Variants in PDXDC1 observed in about 807,000 individuals in gnomAD.
PDXDC1 encodes pyridoxal dependent decarboxylase domain containing 1, also known as pyridoxal-dependent decarboxylase domain-containing protein 1.
PDXDC1 carries 42 observed loss-of-function variants against 100.1 expected under a neutral mutation model. That is an observed-to-expected ratio of 0.42 (90% CI 0.33 to 0.54). PDXDC1 has a LOEUF of 0.54. Among genes scored for constraint, PDXDC1 ranks in the 20% least tolerant of loss-of-function variants. The probability of loss-of-function intolerance (pLI) is 0.10; values close to 1 mark genes in which losing one functional copy is unlikely to be tolerated. For missense variants in PDXDC1, 636 were observed against 979.2 expected, an observed-to-expected ratio of 0.65 and a Z score of 4.68; for synonymous variants, 260 against 371.7, an observed-to-expected ratio of 0.70 and a Z score of 3.46.
At chr16:15,125,702 G>A in intron 16 of PDXDC1, 1 of 1,354,470 alleles carries the variant, frequency 7.4e-7, no homozygotes, top group Non-Finnish European at 1.1e-6. Flanking sequence ...TCAGCGTGGA[G>A]GCCTGAGAAC....
At chr16:15,071,271 C>T (rs748889674) in intron 16 of PDXDC1, 12 of 1,583,252 alleles carry the variant, frequency 7.6e-6, no homozygotes, top group South Asian at 2.3e-5. Flanking sequence ...GAGAGGGCGT[C>T]GGTGTGATCT....
Position 15,068,813 on chromosome 16 carries a change from T to C in PDXDC1, c.1399+38757T>C, listed in dbSNP as rs1204400616. On this transcript the variant is annotated intron_variant, in intron 16 of 16. Transcript: ENST00000535621. ...ACAGAAACCACTTTCTTAGACTTAA[T>C]GAATATAATTCTTTTCTACATGAGT... Among the ~76,000 whole-genome samples, 21 of 152,246 alleles carry C rather than the reference T, an allele frequency of 1.4e-4. 1 individual carries two copies. The highest frequency in any genetic ancestry group is 2.9e-5 in the Non-Finnish European group (2 of 68,054).
chr16:15,124,715 T>C (rs1462329212), intron 16 of PDXDC1, among the ~76,000 whole-genome samples: 4 of 151,282 alleles, frequency 2.6e-5, no homozygotes, highest in African/African-American at 9.8e-5. Context: ...GAGTCTGCAG[T>C]GAGCCGAGAT....
chr16:15,083,785 C>A, intron 16 of PDXDC1: 1 of 565,002 alleles, frequency 1.8e-6, no homozygotes, highest in Non-Finnish European at 3.0e-6. Context: ...GGCGCAATCT[C>A]AGCTCACTGC....
chr16:15,031,551 T>C (rs2043065606), intron 16 of PDXDC1, among the ~76,000 whole-genome samples, 184 bp from the exon 17 acceptor site: 1 of 152,202 alleles, frequency 6.6e-6, no homozygotes, highest in African/African-American at 2.4e-5. Context: ...CAGCCAGCTG[T>C]GTCTGTTTCT....
At chr16:15,128,092 G>A (rs1205527528) in intron 16 of PDXDC1, 13 of 1,608,288 alleles carry the variant, frequency 8.1e-6, no homozygotes, top group African/African-American at 1.3e-5. Flanking sequence ...CCGTCTGCAG[G>A]TCCCTGATGA....
At chr16:15,085,647 T>C in intron 16 of PDXDC1, 1 of 1,613,396 alleles carries the variant, frequency 6.2e-7, no homozygotes, top group Non-Finnish European at 8.5e-7. Context: ...ACTATCATCT[T>C]CATCATCAGA....
intron 14 of PDXDC1, among the ~76,000 whole-genome samples, chr16:15,027,267 C>T (rs553355538): frequency 6.6e-6 from 1 of 152,410 alleles, no homozygotes; most frequent in South Asian, 2.1e-4. Flanking sequence ...TGGCTCGCTT[C>T]TTCAGTGCCC....
At chr16:14,980,196 C>T (rs1423642383) in intron 1 of PDXDC1, among the ~76,000 whole-genome samples, 126 of 152,364 alleles carry the variant, frequency 8.3e-4, no homozygotes, top group African/African-American at 2.9e-3. Flanking sequence ...GTCCCATTTC[C>T]GTCTTTGCTC....
intron 14 of PDXDC1, among the ~76,000 whole-genome samples, chr16:15,028,458 T>C (rs557012107): frequency 6.6e-6 from 1 of 152,410 alleles, no homozygotes; most frequent in South Asian, 2.1e-4. Flanking sequence ...AAATGTAAGC[T>C]CCAAGATGAC....
chr16:15,040,339 C>A, downstream of PDXDC1: 2 of 381,984 alleles, frequency 5.2e-6, no homozygotes, highest in Admixed American at 4.4e-5. Context: ...TTCCTTCAGT[C>A]GGACATGTAG....
intron 12 of PDXDC1, among the ~76,000 whole-genome samples, chr16:15,021,947 T>G (rs1026615448): frequency 4.6e-5 from 7 of 152,300 alleles, no homozygotes; most frequent in Non-Finnish European, 7.3e-5. Context: ...GCAACTTCAC[T>G]AGAATGTCAG....
intron 16 of PDXDC1, among the ~76,000 whole-genome samples, chr16:15,046,640 A>G (rs1040319095): frequency 6.9e-6 from 1 of 144,620 alleles, no homozygotes; most frequent in Non-Finnish European, 1.5e-5. Context: ...TGGGAGGATC[A>G]CTTGAGCCCA....
Position 14,983,158 on chromosome 16 carries a change from G to GA in PDXDC1, c.21+7947dup, listed in dbSNP as rs1193698942. Among the ~76,000 whole-genome samples, 71 of 151,838 alleles carry GA rather than the reference G, an allele frequency of 4.7e-4. No individual in the cohort carries two copies. The Middle Eastern group carries it at 0.017, about 36-fold the overall frequency. On this transcript the variant is annotated intron_variant, in intron 1 of 22. Coordinates refer to ENST00000396410, the MANE Select transcript of PDXDC1 (RefSeq NM_015027.4). ...CCCCAAATAAGAACATTCCTCTCCT[G>GA]AAAAAAAAACTTTGTTGAAACGAAA...
At chr16:15,128,600 G>C (rs2047885104) in intron 16 of PDXDC1, among the ~76,000 whole-genome samples, 1 of 152,052 alleles carries the variant, frequency 6.6e-6, no homozygotes, top group African/African-American at 2.4e-5. Context: ...AAGTTACATG[G>C]AAAGAACTGT....
intron 16 of PDXDC1, among the ~76,000 whole-genome samples, chr16:15,122,077 T>C (rs1482598488): frequency 2.6e-5 from 4 of 151,182 alleles, no homozygotes; most frequent in Non-Finnish European, 5.9e-5. Context: ...GGCAGGACAA[T>C]TGCTTGAACC....
chr16:15,149,034 G>C, the PDXDC1 span, among the ~76,000 whole-genome samples: 2 of 152,216 alleles, frequency 1.3e-5, no homozygotes, highest in African/African-American at 2.4e-5. Flanking sequence ...ACCCGGCTCA[G>C]GGACCCCGGG....
intron 16 of PDXDC1, among the ~76,000 whole-genome samples, chr16:15,063,939 C>G (rs1417508192): frequency 1.3e-5 from 2 of 152,084 alleles, no homozygotes; most frequent in Admixed American, 6.6e-5. Flanking sequence ...TATTCTGGAA[C>G]TCTCTTTTTT....
intron 16 of PDXDC1, among the ~76,000 whole-genome samples, chr16:15,082,558 A>C (rs1042020273): frequency 6.6e-6 from 1 of 151,300 alleles, no homozygotes. Flanking sequence ...CTATAGTCCC[A>C]CCTACTCGGG....
Sources: gnomAD v4.1 joint callset for allele counts (sites outside exome capture counted in the v4.1 genomes callset) on GRCh38, gnomAD v4.1.1 for gene constraint, MANE v1.5 for transcripts, NCBI Gene and HGNC (gene_info 2026-07-23, HGNC 2026-07-21) for gene names.